The following DIAPH2 variants were observed in gnomAD, a reference collection of about 807,000 sequenced individuals.
DIAPH2 encodes protein diaphanous homolog 2.
Under a neutral mutation model 92.7 loss-of-function variants are expected in DIAPH2, and 35 were observed. The observed-to-expected ratio is 0.38, with a 90% confidence interval of 0.29 to 0.50. DIAPH2 has a LOEUF of 0.50. DIAPH2 is among the 20% of genes least tolerant of loss of function. DIAPH2 has a pLI of 0.94. For synonymous variants in DIAPH2, 301 were observed against 280.4 expected, an observed-to-expected ratio of 1.07 and a Z score of -0.73; for missense variants, 701 against 819.5, an observed-to-expected ratio of 0.86 and a Z score of 1.77.
chrX:97,112,701 CTT>C (rs1365110484), intron 20 of DIAPH2, among the ~76,000 whole-genome samples: 1 of 105,350 alleles, frequency 9.5e-6, no homozygotes, highest in East Asian at 3.0e-4. Context: ...TTCTCTCTCT[CTT>C]TACTTTTCTC....
chrX:97,212,018 T>C (rs1259148470), intron 22 of DIAPH2, among the ~76,000 whole-genome samples: 2 of 111,746 alleles, frequency 1.8e-5, no homozygotes, highest in Non-Finnish European at 3.8e-5. Flanking sequence ...CCTACCTCCA[T>C]GTCTGATAAC....
chrX:97,238,423 G>T (rs1031331690), intron 22 of DIAPH2, among the ~76,000 whole-genome samples: 3 of 111,844 alleles, frequency 2.7e-5, no homozygotes, highest in African/African-American at 9.7e-5. Context: ...TATGAATCCA[G>T]TTGAGAAAAA....
At chrX:97,434,158 G>A (rs1019417319) in intron 26 of DIAPH2, among the ~76,000 whole-genome samples, 18 of 111,516 alleles carry the variant, frequency 1.6e-4, no homozygotes, top group African/African-American at 5.9e-4. Flanking sequence ...TCCATATCAG[G>A]GAGTGCTTGA....
At chrX:97,325,769 G>C (rs1392558038) in intron 23 of DIAPH2, among the ~76,000 whole-genome samples, 1 of 110,442 alleles carries the variant, frequency 9.1e-6, no homozygotes, top group Non-Finnish European at 1.9e-5. Context: ...AGTAGAGACG[G>C]GGTTTCACTG....
intron 16 of DIAPH2, among the ~76,000 whole-genome samples, chrX:96,961,236 A>G (rs2065845253): frequency 9.3e-6 from 1 of 108,086 alleles, no homozygotes; most frequent in Admixed American, 9.8e-5. Context: ...TACTGGGGGG[A>G]CTTTCTTGGT....
intron 23 of DIAPH2, among the ~76,000 whole-genome samples, chrX:97,294,551 T>C (rs1318363288): frequency 2.7e-5 from 3 of 111,740 alleles, no homozygotes; most frequent in Non-Finnish European, 3.8e-5. Context: ...GGAGGCAGAT[T>C]AGTCTTTCTT....
intron 23 of DIAPH2, among the ~76,000 whole-genome samples, chrX:97,289,042 A>G (rs932247438): frequency 1.8e-5 from 2 of 111,699 alleles, no homozygotes; most frequent in Non-Finnish European, 3.8e-5. Flanking sequence ...TTCTATGGTT[A>G]TTTTGAAGGT....
Position 97,429,615 on chromosome X carries a change from CTCCAAGATTAATTCTGATT to C in DIAPH2, c.3146-32_3146-14del. 1 of 1,188,905 alleles carries C rather than the reference CTCCAAGATTAATTCTGATT, an allele frequency of 8.4e-7. No individual in the cohort carries two copies. Among genetic ancestry groups the C allele is most frequent in the East Asian group, 3.0e-5 (1 of 33,190 alleles). On this transcript the variant is annotated splice_polypyrimidine_tract_variant and intron_variant, in intron 25 of 26. Transcript: ENST00000324765. ...TTTTCCTGTAGTTTAACTTTAATTGCTCCAAGATTAATTCTGATTTCTCCCTTTCTCCAGAGGGTGATGA... is the reference window on the plus strand; with the variant it reads ...TTTTCCTGTAGTTTAACTTTAATTGCTCTCCCTTTCTCCAGAGGGTGATGA...
In DIAPH2 at chrX:96,957,918, C is replaced by T; in HGVS notation, c.1705C>T (p.Pro569Ser). ...GVGPPPPPPA[P>S]PLPGGAPLPP... Reference sequence around the variant, plus strand: ...AGGGCCGCCTCCACCACCACCCGCGCCACCTCTACCCGGAGGAGCTCCTCT... The same window carrying T: ...AGGGCCGCCTCCACCACCACCCGCGTCACCTCTACCCGGAGGAGCTCCTCT... The change falls in exon 16 of 27, where the codon CCA becomes TCA. Residue 569 changes from proline (P) to serine (S), a missense_variant. Physicochemically the swap from Pro to Ser is moderately conservative, Grantham distance 74 (BLOSUM62 -1). Transcript: ENST00000324765. The T allele has an allele frequency of 1.2e-5, 14 of 1,210,458 alleles. No homozygotes were observed. The highest frequency in any genetic ancestry group is 1.6e-5 in the Non-Finnish European group (14 of 895,083).
chrX:97,216,267 G>A (rs2067882836), intron 22 of DIAPH2, among the ~76,000 whole-genome samples: 1 of 111,563 alleles, frequency 9.0e-6, no homozygotes, highest in African/African-American at 3.3e-5. Flanking sequence ...TGGATTATAC[G>A]TAAAATTGTT....
At chrX:96,926,231 AT>A (rs1190480657) in intron 9 of DIAPH2, among the ~76,000 whole-genome samples, 1 of 111,221 alleles carries the variant, frequency 9.0e-6, no homozygotes, top group Non-Finnish European at 1.9e-5. Flanking sequence ...AGGTTCTAGC[AT>A]TTTTCCAGTA....
chrX:97,123,823 G>GAAGATTGTCCTTCAATTAGCAAGT (rs2067073667), intron 21 of DIAPH2, among the ~76,000 whole-genome samples: 1 of 112,608 alleles, frequency 8.9e-6, no homozygotes, highest in African/African-American at 3.2e-5. Context: ...TGTGTGCTTT[G>GAAGATTGTCCTTCAATTAGCAAGT]AAGATTGTCC....
intron 17 of DIAPH2, among the ~76,000 whole-genome samples, chrX:96,985,641 T>G (rs1367283241): frequency 1.8e-5 from 2 of 111,164 alleles, no homozygotes; most frequent in Non-Finnish European, 3.8e-5. Flanking sequence ...AAACCAATAT[T>G]ACTGTCTTTC....
Position 97,173,133 on chromosome X carries a change from G to C in DIAPH2, c.2719+31339G>C, listed in dbSNP as rs1450639683. Among the ~76,000 whole-genome samples, 3 of 112,509 alleles carry C rather than the reference G, an allele frequency of 2.7e-5. No individual in the cohort carries two copies. In the East Asian group the frequency reaches 8.3e-4, roughly 31 times the overall value. ...TTATGACTATGGGCTAGTCACAGGG[G>C]CTTATGCCTATAATCCCAGCCCTTT... On this transcript the variant is annotated intron_variant, in intron 22 of 26. Coordinates refer to ENST00000324765, the MANE Select transcript of DIAPH2 (RefSeq NM_006729.5).
intron 17 of DIAPH2, among the ~76,000 whole-genome samples, chrX:96,972,765 A>G (rs192631203): frequency 9.0e-6 from 1 of 111,540 alleles, no homozygotes; most frequent in Non-Finnish European, 1.9e-5. Flanking sequence ...TAGAATTTCT[A>G]TAGGGAAAGA....
chrX:97,013,379 T>C (rs1490141130), intron 17 of DIAPH2, among the ~76,000 whole-genome samples: 2 of 112,088 alleles, frequency 1.8e-5, no homozygotes, highest in Non-Finnish European at 1.9e-5. Flanking sequence ...CTTTTCTCCA[T>C]GACTATTTTC....
chrX:97,212,877 A>C (rs1201536182), intron 22 of DIAPH2, among the ~76,000 whole-genome samples: 1 of 111,844 alleles, frequency 8.9e-6, no homozygotes, highest in African/African-American at 3.2e-5. Flanking sequence ...TATGTGATTT[A>C]TCACATTTAT....
intron 4 of DIAPH2, among the ~76,000 whole-genome samples, chrX:96,779,982 G>A (rs943622162): frequency 1.8e-5 from 2 of 111,962 alleles, no homozygotes; most frequent in African/African-American, 6.5e-5. Context: ...AAGACCAGAT[G>A]AATTCATTTT....
chrX:96,976,080 C>T (rs2065959637), intron 17 of DIAPH2, among the ~76,000 whole-genome samples: 1 of 96,167 alleles, frequency 1.0e-5, no homozygotes, highest in African/African-American at 3.8e-5. Flanking sequence ...GGCATGATTA[C>T]AACTCACTGC....
Sources: allele counts gnomAD v4.1 joint callset (sites outside exome capture counted in the v4.1 genomes callset), GRCh38; gene constraint gnomAD v4.1.1; transcripts MANE v1.5; gene names NCBI Gene and HGNC (gene_info 2026-07-23, HGNC 2026-07-21).